HAT1: variants seen among roughly 807,000 people sequenced by gnomAD.
HAT1 encodes the protein histone acetyltransferase 1, also known as histone acetyltransferase type B catalytic subunit.
Under a neutral mutation model 56.6 loss-of-function variants are expected in HAT1, and 20 were observed. The observed-to-expected ratio is 0.35, with a 90% CI of 0.25 to 0.51. The LOEUF is 0.51. Ranked by LOEUF, HAT1 falls within the 20% of genes least tolerant of loss-of-function variation. The pLI, the probability that HAT1 is intolerant of heterozygous loss-of-function variation, is 0.95. For missense variants in HAT1, 408 were observed against 504.3 expected, an observed-to-expected ratio of 0.81 and a Z score of 1.83; for synonymous variants, 146 against 165.5, an observed-to-expected ratio of 0.88 and a Z score of 0.91.
chr2:171,976,285 C>T lies in HAT1; in HGVS notation c.952C>T (p.Gln318Ter), dbSNP rs1240025729. 7.0e-6 allele frequency: 11 copies of T among 1,568,136 alleles called. No homozygotes were observed. Among genetic ancestry groups the T allele is most frequent in the Non-Finnish European group, 8.7e-6 (10 of 1,156,022 alleles). The change falls in exon 9 of 11, where the codon CAA becomes TAA. Residue 318 changes from glutamine (Q) to a stop codon, truncating the protein, a stop_gained. Transcript: ENST00000264108. LOFTEE classifies it high-confidence loss of function. ...CAATGAAGATATGGTGATAGAGGCA[C>T]AACAGAAGTTCAAAATAAATAAGGT... ...GFNEDMVIEA[Q>*]QKFKINKQHA...
rs547116273 is a variant in HAT1, at chr2:171,963,865, C to T, written c.310-1473C>T. 5.3e-5 allele frequency among the ~76,000 whole-genome samples: 8 copies of T among 152,208 alleles called. No individual in the cohort carries two copies. The South Asian group carries it at 1.7e-3, about 32-fold the overall frequency. ...TAAGCAAAAACTGTCCTATGAAATG[C>T]AGTTTATTTGATCTAGAGTGTGAAT... On this transcript the variant is annotated intron_variant, in intron 4 of 10. Coordinates refer to ENST00000264108, the MANE Select transcript of HAT1 (RefSeq NM_003642.4).
chr2:171,938,059 TC>T (rs1686919839), intron 2 of HAT1, among the ~76,000 whole-genome samples: 7 of 145,148 alleles, frequency 4.8e-5, no homozygotes, highest in African/African-American at 1.7e-4. Context: ...TCTCTCTCTC[TC>T]TCTCTCTCTC....
intron 2 of HAT1, among the ~76,000 whole-genome samples, chr2:171,939,062 C>T (rs981747796): frequency 6.6e-6 from 1 of 152,092 alleles, no homozygotes; most frequent in Non-Finnish European, 1.5e-5. Flanking sequence ...TTTAAGGCCA[C>T]CTTCATTTGC....
At chr2:171,947,200 T>G (rs1325397908) in intron 3 of HAT1, among the ~76,000 whole-genome samples, 1 of 152,154 alleles carries the variant, frequency 6.6e-6, no homozygotes, top group Non-Finnish European at 1.5e-5. Context: ...AATAGAAAGC[T>G]TAAGTTGTTA....
chr2:171,927,706 G>C, intron 2 of HAT1, among the ~76,000 whole-genome samples: 1 of 152,144 alleles, frequency 6.6e-6, no homozygotes, highest in East Asian at 1.9e-4. Flanking sequence ...TTGTGCCTCA[G>C]CCTCCGTAGT....
At position 171,926,369 on chromosome 2, in the gene HAT1, C is replaced by T. The variant is rs577033948; in HGVS notation, c.112+728C>T. Among the ~76,000 whole-genome samples, 22 of 152,356 alleles carry T rather than the reference C, an allele frequency of 1.4e-4. No homozygotes were observed. The South Asian group carries it at 4.1e-3, about 29-fold the overall frequency. On this transcript the variant is annotated intron_variant, in intron 2 of 10. Transcript: ENST00000264108. ...AGTGCAATGGCGTGATCCTGGCTCA[C>T]TGCAACCTCCACCTCCTGGGTTCTA...
At chr2:171,963,516 A>AG (rs1199655607) in intron 4 of HAT1, among the ~76,000 whole-genome samples, 1 of 152,212 alleles carries the variant, frequency 6.6e-6, no homozygotes, top group Non-Finnish European at 1.5e-5. Flanking sequence ...TTGAGAAGAC[A>AG]GGACATAAGG....
At chr2:171,965,069 G>T in intron 4 of HAT1, 1 of 326,382 alleles carries the variant, frequency 3.1e-6, no homozygotes, top group Non-Finnish European at 5.6e-6. Context: ...CTGCATAATG[G>T]AAATGTCCAT....
chr2:171,953,026 CTG>C lies in HAT1; in HGVS notation c.309+27_309+28del. The C allele has an allele frequency of 2.0e-6, 3 of 1,517,722 alleles. No homozygotes were observed. In the South Asian group the frequency reaches 3.6e-5, roughly 18 times the overall value. The allele number at this position is 1,517,722 out of a possible 1,614,324, so 94.0% of individuals were successfully genotyped here. A position where few individuals can be genotyped will look rare whatever the true frequency, so the allele number is the denominator to read the frequency against. Reference sequence around the variant, plus strand: ...GGTAAGAACAGAAATACTTTTTAAACTGTTTTCCAATTTAATTTATTTTAAAA... The same window carrying C: ...GGTAAGAACAGAAATACTTTTTAAACTTTTCCAATTTAATTTATTTTAAAA... On this transcript the variant is annotated intron_variant, in intron 4 of 10. Transcript: ENST00000264108.
chr2:171,981,451 A>G (rs984096503), intron 10 of HAT1, among the ~76,000 whole-genome samples: 1 of 152,268 alleles, frequency 6.6e-6, no homozygotes, highest in African/African-American at 2.4e-5. Context: ...TTTAAGTTTT[A>G]TTTGCCATGG....
intron 2 of HAT1, among the ~76,000 whole-genome samples, chr2:171,939,787 C>T (rs1220057974): frequency 6.6e-6 from 1 of 151,720 alleles, no homozygotes; most frequent in Non-Finnish European, 1.5e-5. Context: ...GGAAACAACT[C>T]CTTTTTTTCT....
At chr2:171,953,831 C>T (rs1687374681) in intron 4 of HAT1, among the ~76,000 whole-genome samples, 1 of 151,574 alleles carries the variant, frequency 6.6e-6, no homozygotes, top group African/African-American at 2.4e-5. Context: ...CCCGTCTCTA[C>T]TAAAAATACA....
chr2:171,945,371 CAG>C (rs1489321943), intron 2 of HAT1, among the ~76,000 whole-genome samples: 1 of 151,952 alleles, frequency 6.6e-6, no homozygotes, highest in East Asian at 1.9e-4. Context: ...TTGAGTACAG[CAG>C]AGTGTTCTCA....
chr2:171,941,745 C>T (rs2105314706), intron 2 of HAT1, among the ~76,000 whole-genome samples: 1 of 152,282 alleles, frequency 6.6e-6, no homozygotes. Flanking sequence ...GCTTTTCCAG[C>T]TTACCCATTA....
intron 4 of HAT1, among the ~76,000 whole-genome samples, chr2:171,958,143 G>A (rs1230432235): frequency 1.3e-5 from 2 of 152,030 alleles, no homozygotes; most frequent in Non-Finnish European, 2.9e-5. Flanking sequence ...TGAGGGATTT[G>A]TTATATTTAA....
At position 171,983,521 on chromosome 2, in the gene HAT1, T is replaced by C. The variant is rs1345046586; in HGVS notation, c.*169T>C. 2 of 439,976 alleles carry C rather than the reference T, an allele frequency of 4.5e-6. No individual in the cohort carries two copies. The highest frequency in any genetic ancestry group is 2.0e-5 in the African/African-American group (1 of 49,564). 27.3% of individuals were successfully genotyped at this position (439,976 alleles called of 1,614,324 possible). A position where few individuals can be genotyped will look rare whatever the true frequency, so the allele number is the denominator to read the frequency against. On this transcript the variant is annotated 3_prime_UTR_variant, in exon 11 of 11. Coordinates refer to ENST00000264108, the MANE Select transcript of HAT1 (RefSeq NM_003642.4). The stretch of plus-strand genomic sequence containing the variant: ...AGATTGTATATTTTAAAATACTGTT[T>C]AGAGTTTATGAGCATATATTGCATT...
At position 171,983,049 on chromosome 2, in the gene HAT1, CAAAA is replaced by C. The variant is rs200227351; in HGVS notation, c.1093-129_1093-126del. 915 of 463,784 alleles carry C rather than the reference CAAAA, an allele frequency of 2.0e-3. 4 individuals carry two copies. The highest frequency in any genetic ancestry group is 2.8e-3 in the Non-Finnish European group (730 of 265,140). 28.7% of individuals were successfully genotyped at this position (463,784 alleles called of 1,614,324 possible). A position where few individuals can be genotyped will look rare whatever the true frequency, so the allele number is the denominator to read the frequency against. On this transcript the variant is annotated intron_variant, in intron 10 of 10. Coordinates refer to ENST00000264108, the MANE Select transcript of HAT1 (RefSeq NM_003642.4). Reference sequence around the variant, plus strand: ...AGCTTCCTTAAAAAACAAAACAAAACAAAAAAAAAACATTGTGGGACAAGTTTGG... The same window carrying C: ...AGCTTCCTTAAAAAACAAAACAAAACAAAAAACATTGTGGGACAAGTTTGG...
At chr2:171,932,791 C>T (rs1185699780) in intron 2 of HAT1, among the ~76,000 whole-genome samples, 2 of 152,068 alleles carry the variant, frequency 1.3e-5, no homozygotes, top group African/African-American at 2.4e-5. Flanking sequence ...ATCACTTGAG[C>T]CGGAGAGGTG....
chr2:171,977,553 ATATAT>A (rs1396031053), intron 9 of HAT1, among the ~76,000 whole-genome samples: 62 of 10,948 alleles, frequency 5.7e-3, no homozygotes, highest in African/African-American at 0.02. Context: ...ATATATATAT[ATATAT>A]TTTTTTTTTT....
Sources: gnomAD v4.1 joint callset for allele counts (sites outside exome capture counted in the v4.1 genomes callset) on GRCh38, gnomAD v4.1.1 for gene constraint, MANE v1.5 for transcripts, NCBI Gene and HGNC (gene_info 2026-07-23, HGNC 2026-07-21) for gene names.